The following OCA2 variants were observed in gnomAD, a reference collection of about 807,000 sequenced individuals.
OCA2 encodes the protein OCA2 melanosomal transmembrane protein, also known as P protein.
In OCA2, 77 loss-of-function variants were observed where a neutral mutation model predicts 100.2. The ratio of observed to expected loss-of-function variants is 0.77; its 90% CI spans 0.64 to 0.93. The LOEUF (loss-of-function observed/expected upper bound fraction) is 0.93. Ranked by LOEUF, OCA2 falls within the 40% of genes least tolerant of loss-of-function variation. The probability of loss-of-function intolerance (pLI) is 0.00; values close to 1 mark genes in which losing one functional copy is unlikely to be tolerated. For synonymous variants in OCA2, 432 were observed against 439.2 expected (o/e 0.98, Z 0.21); for missense variants, 1,062 against 1,089.1 (o/e 0.98, Z 0.35).
intron 7 of OCA2, among the ~76,000 whole-genome samples, chr15:28,017,070 CG>C (rs201278926): frequency 2.7e-3 from 146 of 54,428 alleles, no homozygotes; most frequent in African/African-American, 9.4e-3. Flanking sequence ...GAGCGGGGGG[CG>C]GGGGGGGACC....
chr15:28,092,478 C>T (rs577536099), intron 1 of OCA2, among the ~76,000 whole-genome samples: 153 of 152,292 alleles, frequency 1.0e-3, no homozygotes, highest in African/African-American at 3.4e-3. Context: ...CCTCAGCCCC[C>T]AAGTAGCTGG....
chr15:27,857,132 G>T (rs1425166812), intron 21 of OCA2, among the ~76,000 whole-genome samples: 1 of 152,126 alleles, frequency 6.6e-6, no homozygotes, highest in Non-Finnish European at 1.5e-5. Flanking sequence ...TAGGCAAAGA[G>T]TTAGAGGAAA....
chr15:27,863,830 T>C (rs2151463732), intron 21 of OCA2, among the ~76,000 whole-genome samples: 1 of 152,338 alleles, frequency 6.6e-6, no homozygotes, highest in East Asian at 1.9e-4. Flanking sequence ...TTGAAAACAT[T>C]ATAGGTTTTA....
At chr15:27,964,508 T>C (rs1459009751) in intron 15 of OCA2, among the ~76,000 whole-genome samples, 1 of 152,160 alleles carries the variant, frequency 6.6e-6, no homozygotes, top group Admixed American at 6.5e-5. Flanking sequence ...AATGGGACCA[T>C]GCTATTCTCT....
intron 18 of OCA2, among the ~76,000 whole-genome samples, chr15:27,951,255 C>T (rs976938674): frequency 2.0e-5 from 3 of 152,088 alleles, no homozygotes; most frequent in Non-Finnish European, 4.4e-5. Context: ...GTGTGGTGAA[C>T]GTGGGAGAAG....
At chr15:28,074,673 CAAAAAAAA>C (rs1172821817) in intron 2 of OCA2, among the ~76,000 whole-genome samples, 51 of 66,936 alleles carry the variant, frequency 7.6e-4, no homozygotes, top group African/African-American at 2.0e-3. Flanking sequence ...GACTCCGTCT[CAAAAAAAA>C]AAAAAAAAAA....
At chr15:28,022,475 G>T in intron 6 of OCA2, 26 bp downstream of exon 6, 1 of 1,553,580 alleles carries the variant, frequency 6.4e-7, no homozygotes, top group Non-Finnish European at 8.9e-7. Flanking sequence ...CAGGCGGCTG[G>T]CCATCTCAGA....
the OCA2 span, among the ~76,000 whole-genome samples, chr15:27,732,412 C>T: frequency 1.5e-4 from 23 of 152,076 alleles, no homozygotes; most frequent in Non-Finnish European, 2.6e-4. Context: ...CCGTGGGGTC[C>T]AGCCCACCAC....
intron 17 of OCA2, among the ~76,000 whole-genome samples, chr15:27,952,631 TTC>T (rs1174090453): frequency 6.6e-6 from 1 of 151,912 alleles, no homozygotes; most frequent in African/African-American, 2.4e-5. Flanking sequence ...ACCAGGTCCT[TTC>T]TCTTTCTTTC....
intron 2 of OCA2, among the ~76,000 whole-genome samples, chr15:28,037,137 T>G (rs895607349): frequency 6.6e-6 from 1 of 151,858 alleles, no homozygotes; most frequent in Non-Finnish European, 1.5e-5. Context: ...AGGTGGCAGA[T>G]GGCATCAGCC....
At chr15:27,753,997 G>A (rs1210339578), downstream of OCA2, among the ~76,000 whole-genome samples, 3 of 151,984 alleles carry the variant, frequency 2.0e-5, no homozygotes, top group African/African-American at 4.8e-5. Flanking sequence ...ACCGGCTCAG[G>A]GATATCCAGG....
intron 2 of OCA2, among the ~76,000 whole-genome samples, chr15:28,064,290 G>A (rs1004255464): frequency 2.6e-5 from 4 of 151,926 alleles, no homozygotes; most frequent in South Asian, 2.1e-4. Context: ...GGAATTCATC[G>A]AGCTTCTTGG....
chr15:27,928,661 A>T (rs919688515), intron 18 of OCA2, among the ~76,000 whole-genome samples: 1 of 152,136 alleles, frequency 6.6e-6, no homozygotes, highest in Non-Finnish European at 1.5e-5. Context: ...GTCACCCAAA[A>T]GCTGTGCTGA....
At chr15:27,917,807 C>A (rs1201778371) in intron 19 of OCA2, among the ~76,000 whole-genome samples, 1 of 152,078 alleles carries the variant, frequency 6.6e-6, no homozygotes, top group Non-Finnish European at 1.5e-5. Context: ...TCAAAAAGGA[C>A]GGTCAGAGTA....
At chr15:28,079,762 C>T (rs989902791) in intron 2 of OCA2, among the ~76,000 whole-genome samples, 1 of 152,136 alleles carries the variant, frequency 6.6e-6, no homozygotes, top group Non-Finnish European at 1.5e-5. Flanking sequence ...GACACCCCCT[C>T]CCCGTGCCCT....
chr15:27,722,083 A>C, the OCA2 span, among the ~76,000 whole-genome samples: 1 of 152,240 alleles, frequency 6.6e-6, no homozygotes, highest in Admixed American at 6.5e-5. Flanking sequence ...GAACTTATTC[A>C]GCATAATTGT....
intron 19 of OCA2, among the ~76,000 whole-genome samples, chr15:27,907,771 T>C (rs542817051): frequency 6.3e-4 from 96 of 152,270 alleles, no homozygotes; most frequent in African/African-American, 2.3e-3. Context: ...AATGGATAGT[T>C]CCCTAGAGAA....
intron 2 of OCA2, among the ~76,000 whole-genome samples, chr15:28,052,439 G>A (rs528629073): frequency 3.9e-5 from 6 of 152,198 alleles, no homozygotes; most frequent in African/African-American, 7.2e-5. Flanking sequence ...CTGAGAGGCC[G>A]TTCATGACCC....
At chr15:27,857,748 T>A (rs1278391649) in intron 21 of OCA2, among the ~76,000 whole-genome samples, 1 of 151,640 alleles carries the variant, frequency 6.6e-6, no homozygotes, top group Non-Finnish European at 1.5e-5. Flanking sequence ...AAAGAGAAGA[T>A]GGAGAGAAAG....
Sources: gnomAD v4.1 joint callset for allele counts (sites outside exome capture counted in the v4.1 genomes callset) on GRCh38, gnomAD v4.1.1 for gene constraint, MANE v1.5 for transcripts, NCBI Gene and HGNC (gene_info 2026-07-23, HGNC 2026-07-21) for gene names.